Variants in R3HDM1 observed in about 807,000 individuals in gnomAD.
The protein encoded by R3HDM1 is R3H domain-containing protein 1.
In R3HDM1, 46 loss-of-function variants were observed where a neutral mutation model predicts 141.1. The ratio of observed to expected loss-of-function variants is 0.33; its 90% CI spans 0.26 to 0.42. R3HDM1 has a LOEUF of 0.42. Among genes scored for constraint, R3HDM1 ranks in the 10% least tolerant of loss-of-function variants. R3HDM1 has a pLI of 1.00. For missense variants in R3HDM1, 1,184 were observed against 1,368.3 expected (o/e 0.87, Z 2.12); for synonymous variants, 435 against 472.9 (o/e 0.92, Z 1.04).
At chr2:135,702,752 G>T (rs2074406193) in intron 21 of R3HDM1, among the ~76,000 whole-genome samples, 1 of 151,866 alleles carries the variant, frequency 6.6e-6, no homozygotes, top group African/African-American at 2.4e-5. Flanking sequence ...GGGAGGTGGA[G>T]GTTGCAGCGA....
intron 1 of R3HDM1, among the ~76,000 whole-genome samples, chr2:135,551,185 T>C (rs1699776752): frequency 2.0e-5 from 3 of 152,210 alleles, no homozygotes; most frequent in Admixed American, 6.5e-5. Context: ...GTTAACACTT[T>C]TATCTAGCCA....
intron 15 of R3HDM1, 36 bp from the exon 16 acceptor site, chr2:135,645,343 C>G (rs778578055): frequency 3.9e-6 from 6 of 1,549,742 alleles, no homozygotes; most frequent in African/African-American, 1.4e-5. Flanking sequence ...CACCTGTATT[C>G]TAAGTTATTT....
intron 7 of R3HDM1, among the ~76,000 whole-genome samples, chr2:135,630,826 A>G (rs931047356): frequency 4.6e-5 from 7 of 151,956 alleles, no homozygotes; most frequent in African/African-American, 1.7e-4. Flanking sequence ...TTTCACATGT[A>G]TATGAAATTT....
intron 1 of R3HDM1, among the ~76,000 whole-genome samples, chr2:135,578,564 A>G (rs1706039694): frequency 1.3e-5 from 2 of 152,218 alleles, no homozygotes; most frequent in Non-Finnish European, 1.5e-5. Flanking sequence ...GGAGCCCAAA[A>G]TGTAATGCAA....
chr2:135,622,230 C>G, intron 6 of R3HDM1: 25 of 984,030 alleles, frequency 2.5e-5, no homozygotes, highest in Non-Finnish European at 3.0e-5. Flanking sequence ...CTATCTACCT[C>G]CAAATTATTG....
intron 15 of R3HDM1, among the ~76,000 whole-genome samples, chr2:135,644,176 A>C (rs2064121487): frequency 6.6e-6 from 1 of 152,170 alleles, no homozygotes; most frequent in African/African-American, 2.4e-5. Context: ...AACAAATGTT[A>C]CTTTTTGTAA....
rs1429181210 is a variant in R3HDM1, at chr2:135,604,816, C to T, written c.-30C>T. Reference sequence around the variant, plus strand: ...TTTTTTTTTCTTAAGGCTTCAAGCTCCCTGTAGAATTCGAAAATAACCTTT... The same window carrying T: ...TTTTTTTTTCTTAAGGCTTCAAGCTTCCTGTAGAATTCGAAAATAACCTTT... On this transcript the variant is annotated 5_prime_UTR_variant, in exon 3 of 27. Coordinates refer to ENST00000683871, the MANE Select transcript of R3HDM1 (RefSeq NM_001378107.1). The T allele has an allele frequency of 6.2e-7, 1 of 1,605,880 alleles. No individual in the cohort carries two copies. The highest frequency in any genetic ancestry group is 8.5e-7 in the Non-Finnish European group (1 of 1,175,086).
chr2:135,655,663 C>T (rs559451604), intron 18 of R3HDM1, among the ~76,000 whole-genome samples: 32 of 151,990 alleles, frequency 2.1e-4, no homozygotes, highest in African/African-American at 2.9e-4. Flanking sequence ...CCCGCCACCA[C>T]GCCCGGCTAA....
chr2:135,678,320 A>C (rs2069575245), intron 20 of R3HDM1, among the ~76,000 whole-genome samples: 1 of 152,044 alleles, frequency 6.6e-6, no homozygotes, highest in South Asian at 2.1e-4. Flanking sequence ...GTGATTCTAG[A>C]ACTGAGTTTC....
chr2:135,691,794 AAAAT>A (rs1275185329), intron 21 of R3HDM1, among the ~76,000 whole-genome samples: 1 of 152,160 alleles, frequency 6.6e-6, no homozygotes, highest in Non-Finnish European at 1.5e-5. Context: ...CTCTGTCTCA[AAAAT>A]AAATAAATAA....
At chr2:135,587,301 G>C (rs936087789) in intron 1 of R3HDM1, among the ~76,000 whole-genome samples, 3 of 152,040 alleles carry the variant, frequency 2.0e-5, no homozygotes, top group African/African-American at 4.8e-5. Context: ...TGAGAGTTTT[G>C]CTTGCTTTTT....
intron 1 of R3HDM1, among the ~76,000 whole-genome samples, chr2:135,591,371 G>A (rs747705074): frequency 6.6e-6 from 1 of 152,114 alleles, no homozygotes; most frequent in Non-Finnish European, 1.5e-5. Flanking sequence ...AAGCGAAATC[G>A]AATTTTGAAA....
intron 1 of R3HDM1, among the ~76,000 whole-genome samples, chr2:135,557,126 C>T (rs1285975497): frequency 6.6e-6 from 1 of 152,072 alleles, no homozygotes; most frequent in East Asian, 1.9e-4. Context: ...TTTTAAACCT[C>T]TATGAAGATC....
rs773165366 is a variant in R3HDM1, at chr2:135,638,611, T to C, written c.904-7T>C. Reference sequence around the variant, plus strand: ...GCTCAACTTTTTGTATCTATTCTTTTTTCTAGTCCCTGTGTTCCCAAGAGA... The same window carrying C: ...GCTCAACTTTTTGTATCTATTCTTTCTTCTAGTCCCTGTGTTCCCAAGAGA... On this transcript the variant is annotated splice_region_variant and splice_polypyrimidine_tract_variant and intron_variant, in intron 11 of 26. Transcript: ENST00000683871. 1 of 1,604,912 alleles carries C rather than the reference T, an allele frequency of 6.2e-7. No homozygotes were observed. Among genetic ancestry groups the C allele is most frequent in the Admixed American group, 1.7e-5 (1 of 59,948 alleles).
At chr2:135,607,790 T>G in intron 3 of R3HDM1, 1 of 920,116 alleles carries the variant, frequency 1.1e-6, no homozygotes, top group Non-Finnish European at 1.3e-6. Flanking sequence ...CATGGCCCAG[T>G]TGTTTGTAGT....
intron 1 of R3HDM1, among the ~76,000 whole-genome samples, chr2:135,572,353 A>G (rs1704325877): frequency 6.6e-6 from 1 of 152,252 alleles, no homozygotes; most frequent in African/African-American, 2.4e-5. Context: ...CCAATTTAAA[A>G]GGGGCAAATG....
intron 1 of R3HDM1, among the ~76,000 whole-genome samples, chr2:135,541,167 G>A (rs955584871): frequency 5.3e-5 from 8 of 152,072 alleles, no homozygotes; most frequent in Non-Finnish European, 1.0e-4. Flanking sequence ...GGTTAAATGA[G>A]CGCTGTCTTC....
intron 3 of R3HDM1, among the ~76,000 whole-genome samples, chr2:135,611,439 A>G (rs1330115280): frequency 6.6e-6 from 1 of 152,178 alleles, no homozygotes; most frequent in African/African-American, 2.4e-5. Context: ...TAGTACATAG[A>G]GCCTAGCAAA....
chr2:135,549,894 C>T (rs1192797315), intron 1 of R3HDM1: 4 of 812,016 alleles, frequency 4.9e-6, no homozygotes, highest in Non-Finnish European at 5.9e-6. Context: ...TGATTTTCAC[C>T]TCATTTAAAT....
Sources: gnomAD v4.1 joint callset for allele counts (sites outside exome capture counted in the v4.1 genomes callset) on GRCh38, gnomAD v4.1.1 for gene constraint, MANE v1.5 for transcripts, NCBI Gene and HGNC (gene_info 2026-07-23, HGNC 2026-07-21) for gene names.